The following PRR5L variants were observed in gnomAD, a reference collection of about 807,000 sequenced individuals.
PRR5L encodes proline rich 5 like.
PRR5L carries 21 observed loss-of-function variants against 36.4 expected under a neutral mutation model. That is an observed-to-expected ratio of 0.58 (90% CI 0.41 to 0.83). The LOEUF is 0.83. Ranked by LOEUF, PRR5L falls within the 40% of genes least tolerant of loss-of-function variation. PRR5L has a pLI of 0.00. For missense variants in PRR5L, 381 were observed against 473.3 expected, an observed-to-expected ratio of 0.80 and a Z score of 1.81; for synonymous variants, 188 against 197.0, an observed-to-expected ratio of 0.95 and a Z score of 0.38.
rs546559407 is a variant in PRR5L, at chr11:36,402,936, G to A, written c.165-362G>A. Among the ~76,000 whole-genome samples, 23 of 152,344 alleles carry A rather than the reference G, an allele frequency of 1.5e-4. No individual in the cohort carries two copies. In the East Asian group the frequency reaches 1.9e-3, roughly 13 times the overall value. On this transcript the variant is annotated intron_variant, in intron 2 of 8. Transcript: ENST00000530639. ...TGAAGACAGTGGCTGTGAAAGAACCGCAGGCATGGGTCAGCTTCTGCTTGC... is the reference window on the plus strand; with the variant it reads ...TGAAGACAGTGGCTGTGAAAGAACCACAGGCATGGGTCAGCTTCTGCTTGC...
intron 2 of PRR5L, among the ~76,000 whole-genome samples, chr11:36,401,560 G>C (rs1278373236): frequency 6.6e-6 from 1 of 152,070 alleles, no homozygotes; most frequent in East Asian, 1.9e-4. Flanking sequence ...GAGTAGCTGG[G>C]ACTACAGGCA....
At chr11:36,411,495 G>A (rs1251899503) in intron 3 of PRR5L, among the ~76,000 whole-genome samples, 3 of 152,072 alleles carry the variant, frequency 2.0e-5, no homozygotes, top group African/African-American at 7.2e-5. Context: ...TTTGGCTTCT[G>A]GCTGAACTTC....
chr11:36,340,717 G>C (rs1453318362), intron 1 of PRR5L, among the ~76,000 whole-genome samples: 1 of 152,168 alleles, frequency 6.6e-6, no homozygotes, highest in African/African-American at 2.4e-5. Context: ...GGAGGAAACT[G>C]CCCCTGCCCC....
At chr11:36,432,855 G>A (rs1474391810) in intron 5 of PRR5L, among the ~76,000 whole-genome samples, 1 of 152,074 alleles carries the variant, frequency 6.6e-6, no homozygotes, top group African/African-American at 2.4e-5. Context: ...TCCAGGAAAG[G>A]GGCTCCTAGA....
chr11:36,325,399 C>T (rs1055877114), intron 1 of PRR5L, among the ~76,000 whole-genome samples: 4 of 152,204 alleles, frequency 2.6e-5, no homozygotes, highest in African/African-American at 7.2e-5. Flanking sequence ...GAAAGCTCAG[C>T]TCGAGCAGTA....
intron 1 of PRR5L, among the ~76,000 whole-genome samples, chr11:36,398,149 G>A (rs551650951): frequency 6.6e-6 from 1 of 152,324 alleles, no homozygotes; most frequent in South Asian, 2.1e-4. Flanking sequence ...TTTGCAGAAT[G>A]GCCTAGGTGG....
At chr11:36,384,844 T>C (rs1170819465) in intron 1 of PRR5L, among the ~76,000 whole-genome samples, 7 of 151,690 alleles carry the variant, frequency 4.6e-5, no homozygotes, top group Admixed American at 2.0e-4. Context: ...GGCTTTTTTT[T>C]TTTTTTTTTA....
intron 1 of PRR5L, among the ~76,000 whole-genome samples, chr11:36,356,416 T>C (rs1263081254): frequency 1.3e-5 from 2 of 152,114 alleles, no homozygotes; most frequent in African/African-American, 4.8e-5. Flanking sequence ...TCAAGGGAGT[T>C]GAGGGAAGTG....
Position 36,385,619 on chromosome 11 carries a change from C to T in PRR5L, c.-125-15378C>T, listed in dbSNP as rs116600391. 5.8e-3 allele frequency among the ~76,000 whole-genome samples: 877 copies of T among 152,308 alleles called. 11 individuals are homozygous for T. Among genetic ancestry groups the T allele is most frequent in the African/African-American group, 0.02 (830 of 41,566 alleles). ...TCTCTCTGCACTCGGTTTCCAGTAG[C>T]GCCTGAGAAAGTTGTCTCTTGCTTC... On this transcript the variant is annotated intron_variant, in intron 1 of 8. Coordinates refer to ENST00000530639, the MANE Select transcript of PRR5L (RefSeq NM_001160167.2).
At chr11:36,393,519 C>A (rs1328615395) in intron 1 of PRR5L, among the ~76,000 whole-genome samples, 1 of 152,130 alleles carries the variant, frequency 6.6e-6, no homozygotes, top group East Asian at 1.9e-4. Context: ...GTTCTCTATT[C>A]TGCTCCACTA....
chr11:36,326,302 T>TACACACACACACACAC (rs3083243), intron 1 of PRR5L, among the ~76,000 whole-genome samples: 2 of 147,376 alleles, frequency 1.4e-5, no homozygotes, highest in Admixed American at 6.8e-5. Flanking sequence ...CCCCAATAGA[T>TACACACACACACACAC]ACACACACAC....
At chr11:36,308,073 G>A (rs901819052) in intron 1 of PRR5L, among the ~76,000 whole-genome samples, 1 of 152,180 alleles carries the variant, frequency 6.6e-6, no homozygotes, top group African/African-American at 2.4e-5. Context: ...GCTGGAGGTG[G>A]GTCATTGTCC....
chr11:36,462,548 A>G lies in PRR5L; in HGVS notation c.919A>G (p.Met307Val). Residue 307 changes from methionine (M) to valine (V), a missense_variant, in exon 9 of 9, where the codon ATG becomes GTG. Met to Val is a conservative substitution (Grantham distance 21). Coordinates refer to ENST00000530639, the MANE Select transcript of PRR5L (RefSeq NM_001160167.2). ...CATCCAGCTGCTGGCCATGGCCACC[A>G]TGATGCACTCGGGCCTGGGGGAGGA... ...SDIQLLAMAT[M>V]MHSGLGEEAS... The G allele has an allele frequency of 6.2e-7, 1 of 1,611,530 alleles. No homozygotes were observed. The highest frequency in any genetic ancestry group is 1.7e-4 in the Middle Eastern group (1 of 6,020).
chr11:36,392,368 T>G lies in PRR5L; in HGVS notation c.-125-8629T>G, dbSNP rs149727119. On this transcript the variant is annotated intron_variant, in intron 1 of 8. Transcript: ENST00000530639. ...TTGCTGAATCATATGGTAGCCCTATTTTTTGTTTTTTGAGGTACCTCCAAA... is the reference window on the plus strand; with the variant it reads ...TTGCTGAATCATATGGTAGCCCTATGTTTTGTTTTTTGAGGTACCTCCAAA... Among the ~76,000 whole-genome samples, 362 of 152,298 alleles carry G rather than the reference T, an allele frequency of 2.4e-3. 1 individual carries two copies. The highest frequency in any genetic ancestry group is 8.3e-3 in the African/African-American group (343 of 41,572).
intron 1 of PRR5L, chr11:36,376,300 AG>A (rs1268219906): frequency 2.9e-6 from 3 of 1,031,400 alleles, no homozygotes; most frequent in Non-Finnish European, 3.6e-6. Context: ...AAGTGGGAGG[AG>A]AAGGAGGAAG....
chr11:36,394,103 G>A (rs959368864), intron 1 of PRR5L: 3 of 152,202 alleles, frequency 2.0e-5, no homozygotes, highest in Non-Finnish European at 4.4e-5. Context: ...TAGTACTAAT[G>A]GAGGCAATAA....
At chr11:36,339,807 T>C (rs533274105) in intron 1 of PRR5L, among the ~76,000 whole-genome samples, 42 of 152,368 alleles carry the variant, frequency 2.8e-4, no homozygotes, top group Admixed American at 2.7e-3. Context: ...CCATCCACAA[T>C]GTGGACAATG....
chr11:36,298,146 G>A lies in PRR5L; in HGVS notation c.-126+1708G>A, dbSNP rs186926149. On this transcript the variant is annotated intron_variant, in intron 1 of 8. Coordinates refer to ENST00000530639, the MANE Select transcript of PRR5L (RefSeq NM_001160167.2). ...AGTTCCCTGGCATCTAAGCAGTGCCGTATTAGTTTGCTGGGACTGCCATGA... is the reference window on the plus strand; with the variant it reads ...AGTTCCCTGGCATCTAAGCAGTGCCATATTAGTTTGCTGGGACTGCCATGA... Among the ~76,000 whole-genome samples the A allele has an allele frequency of 1.3e-3, 193 of 152,246 alleles. 1 individual carries two copies. Among genetic ancestry groups the A allele is most frequent in the Admixed American group, 9.9e-3 (151 of 15,290 alleles).
At chr11:36,328,760 A>G (rs549089720) in intron 1 of PRR5L, among the ~76,000 whole-genome samples, 1 of 152,200 alleles carries the variant, frequency 6.6e-6, no homozygotes, top group Admixed American at 6.5e-5. Context: ...ATGGCTATCA[A>G]ATTTCTTTAG....
Sources: allele counts gnomAD v4.1 joint callset (sites outside exome capture counted in the v4.1 genomes callset), GRCh38; gene constraint gnomAD v4.1.1; transcripts MANE v1.5; gene names NCBI Gene and HGNC (gene_info 2026-07-23, HGNC 2026-07-21).